The following RIC1 variants were observed in gnomAD, a reference collection of about 807,000 sequenced individuals.
RIC1 encodes guanine nucleotide exchange factor subunit RIC1.
RIC1 carries 88 observed loss-of-function variants against 169.0 expected under a neutral mutation model. The ratio of observed to expected loss-of-function variants is 0.52; its 90% CI spans 0.44 to 0.62. The LOEUF (loss-of-function observed/expected upper bound fraction) is 0.62, where lower values mean the gene tolerates loss of function less well. Ranked by LOEUF, RIC1 falls within the 20% of genes least tolerant of loss-of-function variation. RIC1 has a pLI of 0.00. For missense variants in RIC1, 1,877 were observed against 1,725.5 expected, an observed-to-expected ratio of 1.09 and a Z score of -1.56; for synonymous variants, 790 against 601.5, an observed-to-expected ratio of 1.31 and a Z score of -4.59.
At chr9:5,735,165 T>C (rs771769365) in intron 7 of RIC1, among the ~76,000 whole-genome samples, 1 of 152,134 alleles carries the variant, frequency 6.6e-6, no homozygotes, top group South Asian at 2.1e-4. Flanking sequence ...GTCGATTCTT[T>C]ATAGAATATC....
rs186673982 is a variant in RIC1, at chr9:5,673,157, A to T, written c.252+16467A>T. The stretch of plus-strand genomic sequence containing the variant: ...TGACCATACCATCCATGTTAGGTAT[A>T]TGCAATGCTTAGGGACAATTATTAT... On this transcript the variant is annotated intron_variant, in intron 2 of 25. Transcript: ENST00000414202. 9.2e-5 allele frequency among the ~76,000 whole-genome samples: 14 copies of T among 152,258 alleles called. No individual in the cohort carries two copies. In the East Asian group the frequency reaches 1.5e-3, roughly 17 times the overall value.
rs1473063863 is a variant in RIC1 at position 5,654,838 on chromosome 9, C to G, written c.145-1745C>G. The stretch of plus-strand genomic sequence containing the variant: ...AAAGTGTAGGGATTACAGGCATGAG[C>G]TACTGCGCCTGGCCTGCAAATGTGT... On this transcript the variant is annotated intron_variant, in intron 1 of 25. Transcript: ENST00000414202. Among the ~76,000 whole-genome samples the G allele has an allele frequency of 2.0e-5, 3 of 152,210 alleles. No homozygotes were observed. In the East Asian group the frequency reaches 5.8e-4, roughly 29 times the overall value.
chr9:5,693,890 T>C (rs1311645974), intron 3 of RIC1, among the ~76,000 whole-genome samples: 1 of 145,986 alleles, frequency 6.8e-6, no homozygotes, highest in Non-Finnish European at 1.5e-5. Context: ...AGACTAGCAT[T>C]TTTGAGGCTG....
At chr9:5,695,761 G>T (rs1821863889) in intron 3 of RIC1, among the ~76,000 whole-genome samples, 1 of 151,794 alleles carries the variant, frequency 6.6e-6, no homozygotes, top group Non-Finnish European at 1.5e-5. Context: ...AGTAGAGACG[G>T]GGTTTCACTA....
intron 1 of RIC1, among the ~76,000 whole-genome samples, chr9:5,643,045 A>T (rs1818327252): frequency 6.6e-6 from 1 of 152,158 alleles, no homozygotes; most frequent in African/African-American, 2.4e-5. Context: ...CACACCTGTA[A>T]CCTCAGCACT....
chr9:5,708,078 A>G (rs1822701045), intron 3 of RIC1, among the ~76,000 whole-genome samples: 1 of 151,790 alleles, frequency 6.6e-6, no homozygotes, highest in African/African-American at 2.4e-5. Flanking sequence ...TTAGTTATTA[A>G]TGGTTACCTT....
chr9:5,730,407 C>A (rs1824295300), intron 6 of RIC1, among the ~76,000 whole-genome samples: 1 of 152,122 alleles, frequency 6.6e-6, no homozygotes, highest in African/African-American at 2.4e-5. Flanking sequence ...CTATATGCAA[C>A]AACACAGATA....
At chr9:5,676,777 G>T (rs1250574658) in intron 2 of RIC1, among the ~76,000 whole-genome samples, 1 of 152,024 alleles carries the variant, frequency 6.6e-6, no homozygotes, top group Admixed American at 6.6e-5. Context: ...TGTGTTTTCT[G>T]GTTTTATATA....
At chr9:5,653,723 G>T (rs992253714) in intron 1 of RIC1, among the ~76,000 whole-genome samples, 1 of 151,724 alleles carries the variant, frequency 6.6e-6, no homozygotes, top group Non-Finnish European at 1.5e-5. Context: ...TCAGCCTCCC[G>T]AGTAGCTGTG....
At chr9:5,753,109 G>C (rs1039446721) in intron 12 of RIC1, 91 bp from the exon 13 acceptor site, 1 of 1,166,940 alleles carries the variant, frequency 8.6e-7, no homozygotes, top group South Asian at 1.2e-5. Flanking sequence ...AACATTGTTC[G>C]GCAAGATGAA....
chr9:5,641,633 G>GTAAGCAAAGTTTCCCA (rs1554656256), intron 1 of RIC1, among the ~76,000 whole-genome samples: 2 of 145,090 alleles, frequency 1.4e-5, no homozygotes, highest in Non-Finnish European at 1.5e-5. Context: ...GGTCTCCTCT[G>GTAAGCAAAGTTTCCCA]ACTATATTGT....
At chr9:5,649,825 T>C (rs1447474297) in intron 1 of RIC1, among the ~76,000 whole-genome samples, 2 of 152,164 alleles carry the variant, frequency 1.3e-5, no homozygotes, top group Non-Finnish European at 2.9e-5. Flanking sequence ...TTTTTTAGAT[T>C]GGCTTTCAGA....
At chr9:5,665,139 T>C (rs1246437880) in intron 2 of RIC1, among the ~76,000 whole-genome samples, 2 of 152,190 alleles carry the variant, frequency 1.3e-5, no homozygotes, top group Non-Finnish European at 2.9e-5. Context: ...CTCTTCTTGT[T>C]GAATTGAACC....
chr9:5,676,358 A>T (rs1820440702), intron 2 of RIC1, among the ~76,000 whole-genome samples: 1 of 152,226 alleles, frequency 6.6e-6, no homozygotes, highest in Non-Finnish European at 1.5e-5. Context: ...GGTGTACTTG[A>T]AGATTAAATT....
intron 7 of RIC1, among the ~76,000 whole-genome samples, chr9:5,736,272 C>CGAAAA (rs1190066979): frequency 6.6e-6 from 1 of 152,148 alleles, no homozygotes; most frequent in Non-Finnish European, 1.5e-5. Context: ...AAATCTTTTT[C>CGAAAA]AGATATTTGG....
At chr9:5,743,541 T>A (rs906838576) in intron 9 of RIC1, 148 bp from the exon 10 acceptor site, 2 of 648,808 alleles carry the variant, frequency 3.1e-6, no homozygotes, top group African/African-American at 3.7e-5. Context: ...CCTAGGTGTA[T>A]TAACCCACAG....
At chr9:5,750,237 G>C (rs1404055685) in intron 12 of RIC1, among the ~76,000 whole-genome samples, 1 of 151,898 alleles carries the variant, frequency 6.6e-6, no homozygotes, top group African/African-American at 2.4e-5. Context: ...TTCCTTCTAA[G>C]ACTGCCATTT....
At position 5,683,495 on chromosome 9, in the gene RIC1, G is replaced by A. The variant is rs540323914; in HGVS notation, c.253-6464G>A. ...GAACCTCAAATGCTGCTGCCTGATCGTTGCTCTGGAAGTTTTGTCTCAGAG... is the reference window on the plus strand; with the variant it reads ...GAACCTCAAATGCTGCTGCCTGATCATTGCTCTGGAAGTTTTGTCTCAGAG... On this transcript the variant is annotated intron_variant, in intron 2 of 25. Transcript: ENST00000414202. Among the ~76,000 whole-genome samples, 27 of 152,280 alleles carry A rather than the reference G, an allele frequency of 1.8e-4. No homozygotes were observed. In the South Asian group the frequency reaches 3.9e-3, roughly 22 times the overall value.
At chr9:5,699,342 A>G (rs910059392) in intron 3 of RIC1, among the ~76,000 whole-genome samples, 9 of 152,144 alleles carry the variant, frequency 5.9e-5, no homozygotes, top group African/African-American at 1.4e-4. Flanking sequence ...GCGCCCTCCA[A>G]TGGAATGACA....
Sources: allele counts gnomAD v4.1 joint callset (sites outside exome capture counted in the v4.1 genomes callset), GRCh38; gene constraint gnomAD v4.1.1; transcripts MANE v1.5; gene names NCBI Gene and HGNC (gene_info 2026-07-23, HGNC 2026-07-21).